The following CCDC39 variants were observed in gnomAD, a reference collection of about 807,000 sequenced individuals.
CCDC39 encodes the protein coiled-coil domain-containing protein 39.
CCDC39 carries 113 observed loss-of-function variants against 121.0 expected under a neutral mutation model. The observed-to-expected ratio is 0.93, with a 90% CI of 0.80 to 1.09. The LOEUF is 1.09. Among genes scored for constraint, CCDC39 ranks in the 50% least tolerant of loss-of-function variants. CCDC39 has a pLI of 0.00. For synonymous variants in CCDC39, 349 were observed against 352.2 expected (o/e 0.99, Z 0.10); for missense variants, 1,063 against 1,074.7 (o/e 0.99, Z 0.15).
chr3:180,618,531 A>T (rs1261761880), intron 16 of CCDC39, among the ~76,000 whole-genome samples: 1 of 152,026 alleles, frequency 6.6e-6, no homozygotes, highest in Non-Finnish European at 1.5e-5. Context: ...AACATTAGGT[A>T]TATCTCCTAA....
chr3:180,661,483 C>A (rs1711740634), intron 3 of CCDC39, among the ~76,000 whole-genome samples: 1 of 151,936 alleles, frequency 6.6e-6, no homozygotes, highest in South Asian at 2.1e-4. Context: ...AGTCACAAAA[C>A]TGATAAATCA....
chr3:180,616,941 A>G lies in CCDC39; in HGVS notation c.2291T>C (p.Ile764Thr), dbSNP rs372308915. ...IQSMENTLDV[I>T]EHLANNVKEK... The stretch of plus-strand genomic sequence containing the variant: ...TTTAACATTATTTGCCAAATGTTCT[A>G]TAACATCTAATGTATTTTCCATGCT... Residue 764 changes from isoleucine to threonine, a missense_variant, in exon 17 of 20, where the codon ATA becomes ACA. Transcript: ENST00000476379. 57 of 1,454,972 alleles carry G rather than the reference A, an allele frequency of 3.9e-5. No homozygotes were observed. In the Middle Eastern group the frequency reaches 5.2e-4, roughly 13 times the overall value. 90.1% of individuals were successfully genotyped at this position (1,454,972 alleles called of 1,614,324 possible). A position where few individuals can be genotyped will look rare whatever the true frequency, so the allele number is the denominator to read the frequency against.
At position 180,654,793 on chromosome 3, in the gene CCDC39, T is replaced by G. The variant is rs554681004; in HGVS notation, c.899A>C (p.His300Pro). 1 of 1,610,260 alleles carries G rather than the reference T, an allele frequency of 6.2e-7. No individual in the cohort carries two copies. Among genetic ancestry groups the G allele is most frequent in the Non-Finnish European group, 8.5e-7 (1 of 1,178,260 alleles). ...LLKCRTAYQD[H>P]ETSRIQLKGE... ...CTTCAGCTGAATTCTACTAGTTTCA[T>G]GGTCCTGATATGCCGTTCTACATTT... Residue 300 changes from histidine (H) to proline (P), a missense_variant, in exon 7 of 20, where the codon CAT (histidine) becomes CCT (proline). Coordinates refer to ENST00000476379, the MANE Select transcript of CCDC39 (RefSeq NM_181426.2).
chr3:180,635,971 A>T (rs1490153681), intron 13 of CCDC39, among the ~76,000 whole-genome samples: 2 of 152,224 alleles, frequency 1.3e-5, no homozygotes, highest in Non-Finnish European at 2.9e-5. Flanking sequence ...AATAAAAGCC[A>T]TCTATGACAA....
At chr3:180,625,495 A>C (rs1311181296) in intron 14 of CCDC39, among the ~76,000 whole-genome samples, 2 of 152,034 alleles carry the variant, frequency 1.3e-5, no homozygotes, top group Non-Finnish European at 2.9e-5. Context: ...TGGCATTTCA[A>C]GGATTTCTTT....
At position 180,679,328 on chromosome 3, in the gene CCDC39, G is replaced by A. The variant is rs769673173; in HGVS notation, c.53C>T (p.Pro18Leu). 1.2e-6 allele frequency: 2 copies of A among 1,613,852 alleles called. No individual in the cohort carries two copies. The highest frequency in any genetic ancestry group is 2.2e-5 in the South Asian group (2 of 91,068). Residue 18 changes from proline to leucine, a missense_variant, in exon 1 of 20, where the codon CCG becomes CTG. Physicochemically the swap from Pro to Leu is moderately conservative, Grantham distance 98. Coordinates refer to ENST00000476379, the MANE Select transcript of CCDC39 (RefSeq NM_181426.2). The surrounding 1 kb of genome is among the most constrained non-coding windows in gnomAD (Gnocchi z 4.0). Reference sequence around the variant, plus strand: ...TAGCTTGTTCTCCTCGTTCGCCACCGGGATGGCGAACCCATCCTCCCAGTG... The same window carrying A: ...TAGCTTGTTCTCCTCGTTCGCCACCAGGATGGCGAACCCATCCTCCCAGTG... ...ELHWEDGFAI[P>L]VANEENKLLE...
chr3:180,663,893 C>T lies in CCDC39; in HGVS notation c.184G>A (p.Val62Ile), dbSNP rs1182713459. The T allele has an allele frequency of 6.2e-7, 1 of 1,612,656 alleles. No homozygotes were observed. The highest frequency in any genetic ancestry group is 8.5e-7 in the Non-Finnish European group (1 of 1,179,456). ...INSMTSHFKN[V>I]KQELSITQSL... ...TGTGTAATTGAGAGCTCTTGCTTAA[C>T]ATTTTTGAAGTGAGAAGTCATAGAA... is the stretch of plus-strand genomic sequence containing the variant. The change falls in exon 2 of 20, where the codon GTT becomes ATT. Residue 62 changes from valine (V) to isoleucine (I), a missense_variant. By Grantham distance (29) the Val-to-Ile change is conservative. Coordinates refer to ENST00000476379, the MANE Select transcript of CCDC39 (RefSeq NM_181426.2).
intron 1 of CCDC39, among the ~76,000 whole-genome samples, chr3:180,671,558 C>T (rs1712048945): frequency 6.6e-6 from 1 of 152,174 alleles, no homozygotes; most frequent in Non-Finnish European, 1.5e-5. Flanking sequence ...TTCCCTGCAT[C>T]AAAAGATTTA....
intron 1 of CCDC39, among the ~76,000 whole-genome samples, chr3:180,675,029 T>G (rs1190834427): frequency 2.0e-5 from 3 of 152,232 alleles, no homozygotes; most frequent in African/African-American, 4.8e-5. Flanking sequence ...CTTTTTCTAT[T>G]GATTGGAATA....
chr3:180,633,900 C>T (rs958043579), intron 13 of CCDC39, among the ~76,000 whole-genome samples: 4 of 152,164 alleles, frequency 2.6e-5, no homozygotes, highest in Admixed American at 6.5e-5. Context: ...GCTGAGCATA[C>T]CCACTGGTAG....
intron 9 of CCDC39, 134 bp from the exon 10 acceptor site, chr3:180,648,493 C>G (rs1718125637): frequency 3.5e-6 from 2 of 571,586 alleles, no homozygotes; most frequent in Non-Finnish European, 5.6e-6. Context: ...TAAAGCTCTT[C>G]CCACAATTTT....
intron 14 of CCDC39, 56 bp downstream of exon 14, chr3:180,631,413 A>C (rs1717691358): frequency 1.4e-6 from 2 of 1,445,716 alleles, no homozygotes; most frequent in Admixed American, 3.9e-5. Flanking sequence ...GATTATGATG[A>C]ATGAGTTAAC....
At chr3:180,675,432 C>A (rs886118045) in intron 1 of CCDC39, among the ~76,000 whole-genome samples, 2 of 152,118 alleles carry the variant, frequency 1.3e-5, no homozygotes, top group Non-Finnish European at 2.9e-5. Flanking sequence ...AAAAAACCAG[C>A]TCCTGGATTC....
chr3:180,655,195 G>A (rs1227538080), intron 6 of CCDC39, among the ~76,000 whole-genome samples: 1 of 152,020 alleles, frequency 6.6e-6, no homozygotes, highest in Non-Finnish European at 1.5e-5. Context: ...TTTTGCTAAA[G>A]AGATGAGAAA....
intron 11 of CCDC39, among the ~76,000 whole-genome samples, chr3:180,645,867 C>G (rs904783565): frequency 6.6e-6 from 1 of 152,036 alleles, no homozygotes; most frequent in African/African-American, 2.4e-5. Flanking sequence ...ATGGAGGGAG[C>G]AGTCAGAGTA....
chr3:180,647,001 A>C, intron 11 of CCDC39, 78 bp downstream of exon 11: 1 of 1,339,338 alleles, frequency 7.5e-7, no homozygotes. Flanking sequence ...CCCTATCCAA[A>C]GTAGTCTTAA....
chr3:180,640,302 T>C (rs1207576205), intron 13 of CCDC39, among the ~76,000 whole-genome samples: 1 of 152,120 alleles, frequency 6.6e-6, no homozygotes, highest in East Asian at 1.9e-4. Flanking sequence ...AATGGCAATA[T>C]TAATTTCTTG....
At chr3:180,666,541 T>A (rs770410623) in intron 1 of CCDC39, among the ~76,000 whole-genome samples, 1 of 152,192 alleles carries the variant, frequency 6.6e-6, no homozygotes, top group African/African-American at 2.4e-5. Flanking sequence ...TGCTTTTAAG[T>A]AATTAGCTTT....
At chr3:180,638,083 A>T (rs1410040112) in intron 13 of CCDC39, among the ~76,000 whole-genome samples, 1 of 152,110 alleles carries the variant, frequency 6.6e-6, no homozygotes, top group African/African-American at 2.4e-5. Flanking sequence ...AAAGATAAAA[A>T]AATTTTTAAA....
Sources: allele counts gnomAD v4.1 joint callset (sites outside exome capture counted in the v4.1 genomes callset), GRCh38; gene constraint gnomAD v4.1.1; non-coding constraint Gnocchi (gnomAD v3.1); transcripts MANE v1.5; gene names NCBI Gene and HGNC (gene_info 2026-07-23, HGNC 2026-07-21).